DDX31: variants seen among roughly 807,000 people sequenced by gnomAD.
The protein encoded by DDX31 is DEAD-box helicase 31.
A neutral mutation model predicts 91.3 loss-of-function variants in DDX31; 70 were observed. That is an observed-to-expected ratio of 0.77 (90% CI 0.63 to 0.94). The LOEUF (loss-of-function observed/expected upper bound fraction) is 0.94, where lower values mean the gene tolerates loss of function less well. Ranked by LOEUF, DDX31 falls within the 40% of genes least tolerant of loss-of-function variation. The probability of loss-of-function intolerance (pLI) is 0.00; values close to 1 mark genes in which losing one functional copy is unlikely to be tolerated. For synonymous variants in DDX31, 362 were observed against 350.6 expected (o/e 1.03, Z -0.36); for missense variants, 902 against 925.0 (o/e 0.98, Z 0.32).
chr9:132,603,385 TGAA>T (rs1830826716), intron 19 of DDX31, among the ~76,000 whole-genome samples: 1 of 152,202 alleles, frequency 6.6e-6, no homozygotes, highest in East Asian at 1.9e-4. Flanking sequence ...TCTGACATCA[TGAA>T]GAAGAGTGTG....
chr9:132,669,817 G>C (rs1415533256), intron 1 of DDX31, 43 bp downstream of exon 1: 1 of 1,533,966 alleles, frequency 6.5e-7, no homozygotes, highest in Non-Finnish European at 8.8e-7. Context: ...GCCCACAGCC[G>C]GGCCGCGGGT....
In DDX31 at chr9:132,648,423, G is replaced by C. The variant is rs745666221; in HGVS notation, c.860+9C>G. ...CTTCTACCTGTTATCATCCTGGGAC[G>C]AGGCTCACCTGTCTGCTTCATCAAA... On this transcript the variant is annotated intron_variant, in intron 10 of 19. Coordinates refer to ENST00000372159, the MANE Select transcript of DDX31 (RefSeq NM_022779.9). The C allele has an allele frequency of 3.7e-6, 6 of 1,612,234 alleles. No individual in the cohort carries two copies. The highest frequency in any genetic ancestry group is 2.7e-5 in the African/African-American group (2 of 74,870).
At chr9:132,599,941 T>C (rs1213444702) in intron 19 of DDX31, among the ~76,000 whole-genome samples, 1 of 152,272 alleles carries the variant, frequency 6.6e-6, no homozygotes, top group Non-Finnish European at 1.5e-5. Context: ...ACTATAAGTC[T>C]CTACACTTGT....
chr9:132,608,732 T>C (rs569812612), intron 19 of DDX31, among the ~76,000 whole-genome samples: 8 of 152,348 alleles, frequency 5.3e-5, no homozygotes, highest in Admixed American at 5.2e-4. Flanking sequence ...AGGAACCCAT[T>C]CTCTTTCTTG....
chr9:132,661,088 G>A lies in DDX31; in HGVS notation c.452+120C>T, dbSNP rs965566886. ...AGTGAGACGACAACCCTTTATGGTC[G>A]ATAACCTGGCACTGTGTTCCAACGC... On this transcript the variant is annotated intron_variant, in intron 4 of 19. Transcript: ENST00000372159. 4.6e-5 allele frequency: 38 copies of A among 831,322 alleles called. No individual in the cohort carries two copies. In the South Asian group the frequency reaches 4.6e-4, roughly 10 times the overall value. The allele number at this position is 831,322 out of a possible 1,614,324, so 51.5% of individuals were successfully genotyped here. A position where few individuals can be genotyped will look rare whatever the true frequency, so the allele number is the denominator to read the frequency against.
intron 16 of DDX31, among the ~76,000 whole-genome samples, chr9:132,626,638 C>CT (rs1478513218): frequency 0.01 from 1,498 of 145,280 alleles, 24 homozygotes; most frequent in African/African-American, 0.033. Context: ...GTTGTATGCT[C>CT]TTTTTTTTTT....
At chr9:132,597,454 AG>A (rs1263899315) in intron 19 of DDX31, among the ~76,000 whole-genome samples, 1 of 152,248 alleles carries the variant, frequency 6.6e-6, no homozygotes, top group Non-Finnish European at 1.5e-5. Context: ...GTTTGAAGCC[AG>A]GTTCACAATG....
intron 19 of DDX31, among the ~76,000 whole-genome samples, chr9:132,597,540 G>A (rs1830502443): frequency 6.6e-6 from 1 of 152,222 alleles, no homozygotes; most frequent in Non-Finnish European, 1.5e-5. Flanking sequence ...CCCAGCATAA[G>A]CTCCAGCACT....
At chr9:132,650,510 T>C (rs1272751246) in intron 8 of DDX31, among the ~76,000 whole-genome samples, 1 of 152,236 alleles carries the variant, frequency 6.6e-6, no homozygotes, top group Non-Finnish European at 1.5e-5. Flanking sequence ...AACTAGCTTC[T>C]ACCACAGTGA....
chr9:132,663,292 G>A, intron 1 of DDX31: 1 of 1,289,138 alleles, frequency 7.8e-7, no homozygotes, highest in Non-Finnish European at 1.0e-6. Flanking sequence ...CAGACGGCCT[G>A]GAGAAAATTC....
At chr9:132,616,368 A>G (rs1240708065) in intron 18 of DDX31, among the ~76,000 whole-genome samples, 1 of 152,220 alleles carries the variant, frequency 6.6e-6, no homozygotes, top group African/African-American at 2.4e-5. Flanking sequence ...CATGGTATTA[A>G]CAAGTTCAAT....
chr9:132,613,632 T>C (rs763917664), intron 18 of DDX31, among the ~76,000 whole-genome samples: 2 of 152,188 alleles, frequency 1.3e-5, no homozygotes, highest in South Asian at 2.1e-4. Flanking sequence ...AGGCTGAGGA[T>C]GGAGTTAGCA....
At chr9:132,602,882 C>G (rs1486700861) in intron 19 of DDX31, among the ~76,000 whole-genome samples, 1 of 152,228 alleles carries the variant, frequency 6.6e-6, no homozygotes, top group Non-Finnish European at 1.5e-5. Flanking sequence ...GAGTAGTTAT[C>G]TCCTTGTGTT....
At chr9:132,662,836 G>C in intron 1 of DDX31, 141 bp from the exon 2 acceptor site, 1 of 1,211,568 alleles carries the variant, frequency 8.3e-7, no homozygotes, top group Non-Finnish European at 1.1e-6. Flanking sequence ...CAACAGTTTA[G>C]GGTTTGCAAT....
At chr9:132,625,626 A>G in intron 17 of DDX31, 38 bp downstream of exon 17, 2 of 1,527,674 alleles carry the variant, frequency 1.3e-6, no homozygotes, top group Non-Finnish European at 1.8e-6. Flanking sequence ...AGTGAGTCAC[A>G]TCTGTTGGCA....
At chr9:132,599,862 C>T (rs1255863761) in intron 19 of DDX31, among the ~76,000 whole-genome samples, 1 of 152,258 alleles carries the variant, frequency 6.6e-6, no homozygotes, top group Non-Finnish European at 1.5e-5. Flanking sequence ...AAGTCCCCCA[C>T]ATGGGAAGAA....
chr9:132,661,331 TA>T (rs1834928634), intron 3 of DDX31, 80 bp from the exon 4 acceptor site: 1 of 1,198,970 alleles, frequency 8.3e-7, no homozygotes, highest in Admixed American at 2.0e-5. Flanking sequence ...AAGGAGAAAC[TA>T]TTGAGAGAAC....
At chr9:132,598,590 C>G (rs78393713) in intron 19 of DDX31, among the ~76,000 whole-genome samples, 1 of 152,242 alleles carries the variant, frequency 6.6e-6, no homozygotes, top group African/African-American at 2.4e-5. Context: ...TACCCCGTTA[C>G]AATGACCACT....
chr9:132,597,648 C>T (rs1217486277), intron 19 of DDX31, among the ~76,000 whole-genome samples: 14 of 152,174 alleles, frequency 9.2e-5, no homozygotes, highest in Non-Finnish European at 5.9e-5. Context: ...GTGCGGGCTG[C>T]GGGAGCATCT....
Sources: allele counts gnomAD v4.1 joint callset (sites outside exome capture counted in the v4.1 genomes callset), GRCh38; gene constraint gnomAD v4.1.1; transcripts MANE v1.5; gene names NCBI Gene and HGNC (gene_info 2026-07-23, HGNC 2026-07-21).